IQCK: variants seen among roughly 807,000 people sequenced by gnomAD.
IQCK encodes IQ domain-containing protein K.
Under a neutral mutation model 28.1 loss-of-function variants are expected in IQCK, and 29 were observed. The ratio of observed to expected loss-of-function variants is 1.03; its 90% CI spans 0.77 to 1.41. The LOEUF is 1.41. Ranked by LOEUF, IQCK falls within the 40% of genes most tolerant of loss-of-function variation. The pLI is 0.00. For missense variants in IQCK, 359 were observed against 314.7 expected (o/e 1.14, Z -1.07); for synonymous variants, 113 against 115.1 (o/e 0.98, Z 0.12).
chr16:19,725,199 A>AT (rs1977617737), intron 1 of IQCK, among the ~76,000 whole-genome samples: 2 of 152,034 alleles, frequency 1.3e-5, no homozygotes, highest in South Asian at 4.2e-4. Flanking sequence ...ATTTAAAAAA[A>AT]TTTTTTTTTA....
At chr16:19,786,364 C>T (rs375839936) in intron 6 of IQCK, among the ~76,000 whole-genome samples, 6 of 150,838 alleles carry the variant, frequency 4.0e-5, no homozygotes, top group South Asian at 2.1e-4. Context: ...GACCACATAG[C>T]GAGACCCTGT....
intron 6 of IQCK, among the ~76,000 whole-genome samples, chr16:19,773,600 A>G (rs575873735): frequency 1.3e-5 from 2 of 152,044 alleles, no homozygotes; most frequent in South Asian, 4.2e-4. Flanking sequence ...CAGCTACTCA[A>G]CTCCCCAGCT....
chr16:19,858,448 T>TA (rs758241840), exon 10 of IQCK: 2 of 669,708 alleles, frequency 3.0e-6, no homozygotes, highest in South Asian at 3.2e-5. Context: ...GCTTGGACAA[T>TA]AAAGAACTTA....
chr16:19,845,318 T>C (rs1170141728), intron 9 of IQCK, among the ~76,000 whole-genome samples: 3 of 152,258 alleles, frequency 2.0e-5, no homozygotes, highest in Admixed American at 1.3e-4. Flanking sequence ...CAGCATATAA[T>C]ATACAGAGCT....
chr16:19,833,841 A>G (rs2056262800), intron 9 of IQCK, among the ~76,000 whole-genome samples: 1 of 152,114 alleles, frequency 6.6e-6, no homozygotes, highest in Non-Finnish European at 1.5e-5. Context: ...CTGTAATCCC[A>G]GTGCTTTGGG....
intron 7 of IQCK, among the ~76,000 whole-genome samples, chr16:19,808,652 G>C (rs765946426): frequency 1.3e-5 from 2 of 152,160 alleles, no homozygotes; most frequent in Non-Finnish European, 2.9e-5. Context: ...AATTTGCAGG[G>C]CCCAGAGGAA....
intron 4 of IQCK, among the ~76,000 whole-genome samples, chr16:19,763,029 G>GAA (rs2055172294): frequency 6.6e-6 from 1 of 151,960 alleles, no homozygotes. Flanking sequence ...AAGAAAGAAA[G>GAA]AAAATCCTCT....
chr16:19,837,208 G>A (rs552642106), intron 9 of IQCK, among the ~76,000 whole-genome samples: 7 of 152,128 alleles, frequency 4.6e-5, no homozygotes, highest in African/African-American at 1.7e-4. Flanking sequence ...TTCGAGACCA[G>A]CCCGGGCAAC....
intron 9 of IQCK, 137 bp from the exon 9 acceptor site, chr16:19,856,350 C>T (rs6497413): frequency 8.9e-6 from 6 of 672,074 alleles, no homozygotes; most frequent in East Asian, 5.5e-5. Context: ...TCCATGGGGC[C>T]GGAACCATGA....
At position 19,757,236 on chromosome 16, in the gene IQCK, T is replaced by C. The variant is rs569922328; in HGVS notation, c.475-6612T>C. 2.6e-5 allele frequency among the ~76,000 whole-genome samples: 4 copies of C among 152,360 alleles called. No individual in the cohort carries two copies. In the South Asian group the frequency reaches 8.3e-4, roughly 32 times the overall value. On this transcript the variant is annotated intron_variant, in intron 4 of 7. Coordinates refer to ENST00000564186, the Ensembl canonical transcript of IQCK. ...CTTTTGACTTTTCTAGGTGGAATTATATGAGTCATCTGATGCAGATTCAAT... is the reference window on the plus strand; with the variant it reads ...CTTTTGACTTTTCTAGGTGGAATTACATGAGTCATCTGATGCAGATTCAAT...
chr16:19,857,755 A>T (rs1311454958), exon 10 of IQCK: 2 of 155,332 alleles, frequency 1.3e-5, no homozygotes. Context: ...TAAAAAAAAA[A>T]AAAAAAAAAA....
At chr16:19,856,697 G>T in exon 10 of IQCK, 1 of 625,236 alleles carries the variant, frequency 1.6e-6, no homozygotes. Context: ...AGGATTCATT[G>T]CAAACAAGCT....
intron 1 of IQCK, among the ~76,000 whole-genome samples, chr16:19,725,532 A>AACAGAGCAGATAAGC (rs1977628645): frequency 1.3e-5 from 2 of 152,224 alleles, no homozygotes; most frequent in Admixed American, 1.3e-4. Context: ...TCTAATGCAG[A>AACAGAGCAGATAAGC]ACAGAGCAGA....
chr16:19,850,699 G>A (rs1597613429), intron 9 of IQCK, among the ~76,000 whole-genome samples: 4 of 151,976 alleles, frequency 2.6e-5, no homozygotes, highest in African/African-American at 9.7e-5. Flanking sequence ...ACCTCTTTGA[G>A]GGCAAAGAAT....
At chr16:19,729,576 G>A (rs1052510471) in intron 1 of IQCK, among the ~76,000 whole-genome samples, 2 of 151,826 alleles carry the variant, frequency 1.3e-5, no homozygotes, top group Non-Finnish European at 2.9e-5. Context: ...ATAAAGCGTC[G>A]ACTCTTTCAT....
intron 4 of IQCK, among the ~76,000 whole-genome samples, chr16:19,763,015 CAA>C (rs767496298): frequency 1.3e-5 from 2 of 151,948 alleles, no homozygotes; most frequent in Non-Finnish European, 2.9e-5. Context: ...GGCCCTGTCA[CAA>C]AAAGAAAGAA....
intron 4 of IQCK, among the ~76,000 whole-genome samples, chr16:19,756,758 G>A (rs1051072352): frequency 1.3e-5 from 2 of 151,976 alleles, no homozygotes; most frequent in African/African-American, 2.4e-5. Context: ...TTAGCCGGGC[G>A]TGGTGGCATA....
chr16:19,849,261 G>GTT (rs71146276), intron 9 of IQCK, among the ~76,000 whole-genome samples: 17,380 of 142,120 alleles, frequency 0.12, 1,074 homozygotes, highest in African/African-American at 0.14. Flanking sequence ...CTATGTTCAG[G>GTT]TTTTTTTTTT....
intron 7 of IQCK, among the ~76,000 whole-genome samples, chr16:19,803,512 A>T (rs1341272526): frequency 6.6e-6 from 1 of 152,156 alleles, no homozygotes; most frequent in Non-Finnish European, 1.5e-5. Flanking sequence ...CCACTGATGT[A>T]TTGGAATTGA....
Sources: gnomAD v4.1 joint callset for allele counts (sites outside exome capture counted in the v4.1 genomes callset) on GRCh38, gnomAD v4.1.1 for gene constraint, MANE v1.5 for transcripts, NCBI Gene and HGNC (gene_info 2026-07-23, HGNC 2026-07-21) for gene names.